The following OTUD7B variants were observed in gnomAD, a reference collection of about 807,000 sequenced individuals.
The protein encoded by OTUD7B is OTU domain-containing protein 7B.
OTUD7B carries 34 observed loss-of-function variants against 82.2 expected under a neutral mutation model. That is an observed-to-expected ratio of 0.41 (90% confidence interval 0.31 to 0.55). The LOEUF is 0.55. Among genes scored for constraint, OTUD7B ranks in the 20% least tolerant of loss-of-function variants. The pLI, the probability that OTUD7B is intolerant of heterozygous loss-of-function variation, is 0.20. For missense variants in OTUD7B, 944 were observed against 1,062.1 expected (o/e 0.89, Z 1.55); for synonymous variants, 398 against 402.7 (o/e 0.99, Z 0.14).
chr1:149,972,087 T>C (rs1649979392), intron 2 of OTUD7B, among the ~76,000 whole-genome samples: 1 of 152,206 alleles, frequency 6.6e-6, no homozygotes, highest in East Asian at 1.9e-4. Context: ...AAACTCAGGC[T>C]CTTTGGCTTG....
At chr1:150,059,086 C>T in the OTUD7B span, among the ~76,000 whole-genome samples, 1 of 132,632 alleles carries the variant, frequency 7.5e-6, no homozygotes, top group African/African-American at 2.8e-5. Context: ...CGGAGTCTTA[C>T]TCTCTTGGCC....
In OTUD7B at chr1:149,944,329, G is replaced by A. The variant is rs782820590; in HGVS notation, c.2060C>T (p.Ala687Val). ...TGPPAESRAMAFSTGYPGDFT... is the reference protein window; with the variant it reads ...TGPPAESRAMVFSTGYPGDFT... ...GTCCCCAGGGTAGCCAGTGGAAAAT[G>A]CCATTGCCCTGGACTCTGCTGGGGG... is the stretch of plus-strand genomic sequence containing the variant. Residue 687 changes from alanine to valine, a missense_variant, in exon 12 of 12, where the codon GCA becomes GTA. Around this residue, in one of 3 missense-constraint regions of OTUD7B, gnomAD observed 412 missense variants for 418.7 expected, o/e 0.98. Transcript: ENST00000581312. 2.3e-5 allele frequency: 37 copies of A among 1,611,700 alleles called. No individual in the cohort carries two copies. Among genetic ancestry groups the A allele is most frequent in the Non-Finnish European group, 3.1e-5 (37 of 1,178,414 alleles).
chr1:149,996,919 C>T (rs1651961504), intron 1 of OTUD7B, among the ~76,000 whole-genome samples: 1 of 152,182 alleles, frequency 6.6e-6, no homozygotes, highest in South Asian at 2.1e-4. Flanking sequence ...CCTAGGATGA[C>T]TGGTGCTTAT....
chr1:150,066,446 T>C, the OTUD7B span, among the ~76,000 whole-genome samples: 20 of 152,034 alleles, frequency 1.3e-4, no homozygotes, highest in African/African-American at 4.3e-4. The surrounding 1 kb of genome is among the most constrained non-coding windows in gnomAD (Gnocchi z 4.6). Flanking sequence ...AAAAAACATA[T>C]TCTTCACAAT....
intron 1 of OTUD7B, among the ~76,000 whole-genome samples, chr1:149,990,304 T>C (rs1190509213): frequency 2.0e-5 from 3 of 152,204 alleles, no homozygotes; most frequent in African/African-American, 7.2e-5. Flanking sequence ...GAAGTAAGAT[T>C]CTTGAAGTCT....
At chr1:150,006,695 C>T (rs905643084) in intron 1 of OTUD7B, among the ~76,000 whole-genome samples, 1 of 152,180 alleles carries the variant, frequency 6.6e-6, no homozygotes, top group Non-Finnish European at 1.5e-5. Flanking sequence ...AAACATAATG[C>T]TGTCCTTACT....
rs2092736352 is a variant in OTUD7B at position 149,937,913 on chromosome 1, C to T, written c.*5944G>A. ...CCAAAGTGACACTCAATTTTCCCCT[C>T]CCCCCAGTACACCACCCTTCTGGCC... On this transcript the variant is annotated 3_prime_UTR_variant, in exon 12 of 12. Coordinates refer to ENST00000581312, the MANE Select transcript of OTUD7B (RefSeq NM_020205.4). 6.6e-6 allele frequency: 1 copy of T among 152,146 alleles called. No individual in the cohort carries two copies. The highest frequency in any genetic ancestry group is 2.4e-5 in the African/African-American group (1 of 41,406). 9.4% of individuals were successfully genotyped at this position (152,146 alleles called of 1,614,324 possible). A position where few individuals can be genotyped will look rare whatever the true frequency, so the allele number is the denominator to read the frequency against.
chr1:149,944,710 T>C lies in OTUD7B; in HGVS notation c.1679A>G (p.Lys560Arg). The part of the protein sequence containing the change: ...KKKKNSLKSW[K>R]GGKEEAAGDG... ...CCCAGCTGCCTCCTCCTTGCCACCCTTCCAGCTCTTCAGTGAGTTTTTCTT... is the reference window on the plus strand; with the variant it reads ...CCCAGCTGCCTCCTCCTTGCCACCCCTCCAGCTCTTCAGTGAGTTTTTCTT... Residue 560 changes from lysine (K) to arginine (R), a missense_variant, in exon 12 of 12, where the codon AAG (lysine) becomes AGG (arginine). Physicochemically the swap from Lys to Arg is conservative, Grantham distance 26. This residue lies in a region of OTUD7B where 412 missense variants were observed against 418.7 expected (regional missense o/e 0.98). Transcript: ENST00000581312. 1 of 1,613,782 alleles carries C rather than the reference T, an allele frequency of 6.2e-7. No individual in the cohort carries two copies. The highest frequency in any genetic ancestry group is 8.5e-7 in the Non-Finnish European group (1 of 1,179,992).
intron 7 of OTUD7B, among the ~76,000 whole-genome samples, chr1:149,955,931 T>C (rs1437912458): frequency 6.6e-6 from 1 of 152,214 alleles, no homozygotes; most frequent in Non-Finnish European, 1.5e-5. Flanking sequence ...TGTGTGTCTC[T>C]GCACCTGAGA....
At chr1:150,011,957 A>G (rs1553787509), upstream of OTUD7B, among the ~76,000 whole-genome samples, 1 of 152,214 alleles carries the variant, frequency 6.6e-6, no homozygotes, top group Non-Finnish European at 1.5e-5. Flanking sequence ...AGACAGCTAT[A>G]TCTCTTAGGG....
chr1:149,946,598 C>T (rs1424063877), intron 11 of OTUD7B, among the ~76,000 whole-genome samples: 1 of 148,698 alleles, frequency 6.7e-6, no homozygotes, highest in Non-Finnish European at 1.5e-5. Flanking sequence ...AAAAATCAGC[C>T]GGGTGTGGTG....
intron 6 of OTUD7B, chr1:149,962,861 A>G (rs1553775836): frequency 1.3e-5 from 2 of 152,196 alleles, no homozygotes; most frequent in African/African-American, 2.4e-5. Flanking sequence ...TCTGGATTCT[A>G]AATTCTAGGC....
intron 1 of OTUD7B, among the ~76,000 whole-genome samples, chr1:149,999,088 T>C (rs1652105066): frequency 6.6e-6 from 1 of 152,198 alleles, no homozygotes; most frequent in Non-Finnish European, 1.5e-5. Context: ...GTCCCCAGAT[T>C]CCAGTGCACA....
the OTUD7B span, among the ~76,000 whole-genome samples, chr1:150,018,922 A>G: frequency 3.9e-5 from 6 of 152,142 alleles, no homozygotes; most frequent in Non-Finnish European, 7.3e-5. Flanking sequence ...TTTATGCAGC[A>G]AACAGCTTCT....
chr1:150,000,411 A>G (rs12082689), intron 1 of OTUD7B, among the ~76,000 whole-genome samples: 48,663 of 151,816 alleles, frequency 0.32, 9,058 homozygotes, highest in African/African-American at 0.51. Context: ...GGAGGTAGAT[A>G]TTGCAGTGAG....
In OTUD7B at chr1:149,967,436, A is replaced by AC; in HGVS notation, c.359dup (p.Gly121TrpfsTer5). The AC allele has an allele frequency of 1.2e-6, 2 of 1,613,882 alleles. No homozygotes were observed. Among genetic ancestry groups the AC allele is most frequent in the Non-Finnish European group, 1.7e-6 (2 of 1,179,874 alleles). On this transcript the variant is annotated frameshift_variant, in exon 4 of 12. Coordinates refer to ENST00000581312, the MANE Select transcript of OTUD7B (RefSeq NM_020205.4). LOFTEE classifies it high-confidence loss of function. ...CCAGGGGGTGCTCATTGCTCCCCCC[A>AC]CCCCCACCATTGGAGGAGACATGGG...
chr1:150,054,882 G>T, the OTUD7B span: 1 of 196,028 alleles, frequency 5.1e-6, no homozygotes, highest in South Asian at 8.2e-5. Flanking sequence ...TATAGAAAGA[G>T]AAATACGAGA....
Position 149,958,322 on chromosome 1 carries a change from C to CTTTTTT in OTUD7B, c.845+1356_845+1361dup, listed in dbSNP as rs34299927. Among the ~76,000 whole-genome samples, 140 of 86,392 alleles carry CTTTTTT rather than the reference C, an allele frequency of 1.6e-3. 2 individuals carry two copies. Among genetic ancestry groups the CTTTTTT allele is most frequent in the Non-Finnish European group, 1.7e-3 (83 of 48,642 alleles). 56.7% of individuals were successfully genotyped at this position (86,392 alleles called of 152,430 possible). ...TATCTCTAAAAACATAAAGGACTAC[C>CTTTTTT]TTTTTTTTTTTTTTTTTTTTTTTGA... On this transcript the variant is annotated intron_variant, in intron 7 of 11. Coordinates refer to ENST00000581312, the MANE Select transcript of OTUD7B (RefSeq NM_020205.4).
At chr1:150,007,905 G>A (rs1176912214) in intron 1 of OTUD7B, among the ~76,000 whole-genome samples, 7 of 152,146 alleles carry the variant, frequency 4.6e-5, no homozygotes, top group African/African-American at 1.7e-4. Flanking sequence ...CGCTGTTTAA[G>A]GATTTTCCCT....
Sources: allele counts gnomAD v4.1 joint callset (sites outside exome capture counted in the v4.1 genomes callset), GRCh38; gene constraint gnomAD v4.1.1; regional missense constraint gnomAD v4.1.1; non-coding constraint Gnocchi (gnomAD v3.1); transcripts MANE v1.5; gene names NCBI Gene and HGNC (gene_info 2026-07-23, HGNC 2026-07-21).